The following PRMT1 variants were observed in gnomAD, a reference collection of about 807,000 sequenced individuals.
The protein encoded by PRMT1 is protein arginine N-methyltransferase 1.
Under a neutral mutation model 47.4 loss-of-function variants are expected in PRMT1, and 5 were observed. The observed-to-expected ratio is 0.11, with a 90% CI of 0.06 to 0.22. The LOEUF is 0.22. Ranked by LOEUF, PRMT1 falls within the 10% of genes least tolerant of loss-of-function variation. The pLI is 1.00. For synonymous variants in PRMT1, 227 were observed against 204.6 expected (o/e 1.11, Z -0.94); for missense variants, 249 against 518.4 (o/e 0.48, Z 5.05).
In PRMT1 at chr19:49,686,676, G is replaced by A. The variant is rs759556117; in HGVS notation, c.982G>A (p.Gly328Ser). The stretch of plus-strand genomic sequence containing the variant: ...GGAGGACTACCTGACCGTGAAGACG[G>A]GCGAGGAGATCTTCGGCACCATCGG... ...YMEDYLTVKT[G>S]EEIFGTIGMR... Residue 328 changes from glycine to serine, a missense_variant, in exon 10 of 11, where the codon GGC (glycine) becomes AGC (serine). By Grantham distance (56) the Gly-to-Ser change is moderately conservative (BLOSUM62 0). Coordinates refer to ENST00000454376, the MANE Select transcript of PRMT1 (RefSeq NM_001536.6). 5 of 1,612,682 alleles carry A rather than the reference G, an allele frequency of 3.1e-6. No homozygotes were observed. The African/African-American group carries it at 6.7e-5, about 22-fold the overall frequency.
chr19:49,681,703 A>T lies in PRMT1; in HGVS notation c.193-207A>T, dbSNP rs191655035. Among the ~76,000 whole-genome samples the T allele has an allele frequency of 6.6e-6, 1 of 152,232 alleles. No individual in the cohort carries two copies. Among genetic ancestry groups the T allele is most frequent in the Non-Finnish European group, 1.5e-5 (1 of 68,018 alleles). On this transcript the variant is annotated intron_variant, in intron 3 of 10. Transcript: ENST00000454376. This position sits in a 1 kb window ranked among gnomAD's most constrained non-coding sequence, Gnocchi z 4.4. Reference sequence around the variant, plus strand: ...CAGTGAGCTGAGATTGCACCATTGCACTCCAGCCTGGGCAACAGAGTGAGA... The same window carrying T: ...CAGTGAGCTGAGATTGCACCATTGCTCTCCAGCCTGGGCAACAGAGTGAGA...
At position 49,680,154 on chromosome 19, in the gene PRMT1, C is replaced by G; in HGVS notation, c.90+229C>G. The G allele has an allele frequency of 6.5e-7, 1 of 1,527,046 alleles. No individual in the cohort carries two copies. The highest frequency in any genetic ancestry group is 1.4e-5 in the African/African-American group (1 of 73,354). 94.6% of individuals were successfully genotyped at this position (1,527,046 alleles called of 1,614,324 possible). A position where few individuals can be genotyped will look rare whatever the true frequency, so the allele number is the denominator to read the frequency against. On this transcript the variant is annotated intron_variant, in intron 2 of 10. Coordinates refer to ENST00000454376, the MANE Select transcript of PRMT1 (RefSeq NM_001536.6). The surrounding 1 kb of genome is among the most constrained non-coding windows in gnomAD (Gnocchi z 4.2). Reference sequence around the variant, plus strand: ...CCACCTCCAACCCCCCTTTGCCCTTCCCTGTGTCTGCCCCCATTTTCCTTC... The same window carrying G: ...CCACCTCCAACCCCCCTTTGCCCTTGCCTGTGTCTGCCCCCATTTTCCTTC...
Position 49,686,690 on chromosome 19 carries a change from C to T in PRMT1, c.996C>T (p.Phe332=), listed in dbSNP as rs199655515. 2.4e-5 allele frequency: 38 copies of T among 1,611,454 alleles called. No individual in the cohort carries two copies. In the African/African-American group the frequency reaches 2.7e-4, roughly 11 times the overall value. ...YLTVKTGEEI[F]GTIGMRPNAK... is the part of the protein sequence containing the mutation. The stretch of plus-strand genomic sequence containing the variant: ...CCGTGAAGACGGGCGAGGAGATCTT[C>T]GGCACCATCGGCATGCGGCCCAACG... Residue 332 remains phenylalanine (F), a synonymous_variant, in exon 10 of 11, where the codon TTC becomes TTT. Transcript: ENST00000454376.
intron 5 of PRMT1, 41 bp from the exon 6 acceptor site, chr19:49,683,886 G>C: frequency 6.3e-7 from 1 of 1,589,736 alleles, no homozygotes; most frequent in African/African-American, 1.3e-5. Flanking sequence ...TGAGGGGCAG[G>C]CCTCCCGGGG....
upstream of PRMT1, chr19:49,677,268 G>T: frequency 7.0e-7 from 1 of 1,420,586 alleles, no homozygotes; most frequent in South Asian, 1.6e-5. Flanking sequence ...AGGAGGAGTA[G>T]GTGCGGGTGA....
intron 4 of PRMT1, 22 bp downstream of exon 4, chr19:49,682,087 G>T (rs1026521521): frequency 9.9e-6 from 16 of 1,613,676 alleles, no homozygotes; most frequent in Non-Finnish European, 1.1e-5. Context: ...GGGTGGCCAG[G>T]CGGGGCCGGG....
chr19:49,679,546 G>A (rs1371489482), intron 1 of PRMT1: 1 of 627,120 alleles, frequency 1.6e-6, no homozygotes, highest in Non-Finnish European at 3.0e-6. Flanking sequence ...GAGAGGGAGC[G>A]ACAGCTGGCG....
chr19:49,686,805 AATGGTGGCAGCGGGGGTAGGGG>A (rs1344189329), intron 10 of PRMT1, 79 bp downstream of exon 10: 1 of 50,274 alleles, frequency 2.0e-5, no homozygotes, highest in Admixed American at 3.1e-4. Context: ...GTGGGGGAGG[AATGGTGGCAGCGGGGGTAGGGG>A]ATGGGGGCAG....
At chr19:49,677,417 G>C (rs1357935039) in intron 1 of PRMT1, 101 bp downstream of exon 1, 1 of 1,065,040 alleles carries the variant, frequency 9.4e-7, no homozygotes, top group East Asian at 2.9e-5. Flanking sequence ...TATGGGGTTG[G>C]AGGTCCCCCG....
chr19:49,685,675 G>A lies in PRMT1; in HGVS notation c.760-418G>A, dbSNP rs1457842347. The stretch of plus-strand genomic sequence containing the variant: ...GAGTGGGGGAGGAGAGGAGACTACA[G>A]GGGCAGGGACCCCACTCGGGCCACC... On this transcript the variant is annotated intron_variant, in intron 8 of 10. Transcript: ENST00000454376. This position sits in a 1 kb window ranked among gnomAD's most constrained non-coding sequence, Gnocchi z 4.7. 9.7e-7 allele frequency: 1 copy of A among 1,035,866 alleles called. No individual in the cohort carries two copies. The highest frequency in any genetic ancestry group is 1.7e-5 in the African/African-American group (1 of 58,480). 64.2% of individuals were successfully genotyped at this position (1,035,866 alleles called of 1,614,324 possible).
Position 49,681,834 on chromosome 19 carries a change from G to A in PRMT1, c.193-76G>A, listed in dbSNP as rs777414501. ...CGAGAGGGCCGAGCTCTGGCCCTCC[G>A]AGCTCTCAGGACACGCTGTTCTCCA... On this transcript the variant is annotated intron_variant, in intron 3 of 10. Coordinates refer to ENST00000454376, the MANE Select transcript of PRMT1 (RefSeq NM_001536.6). The surrounding 1 kb of genome is among the most constrained non-coding windows in gnomAD (Gnocchi z 4.4). The A allele has an allele frequency of 7.0e-5, 104 of 1,488,588 alleles. No individual in the cohort carries two copies. The highest frequency in any genetic ancestry group is 8.1e-5 in the Non-Finnish European group (90 of 1,104,626). The allele number at this position is 1,488,588 out of a possible 1,614,324, so 92.2% of individuals were successfully genotyped here. A position where few individuals can be genotyped will look rare whatever the true frequency, so the allele number is the denominator to read the frequency against.
intron 2 of PRMT1, 68 bp downstream of exon 2, chr19:49,679,993 G>C (rs2082092168): frequency 6.8e-7 from 1 of 1,479,934 alleles, no homozygotes; most frequent in East Asian, 2.4e-5. Flanking sequence ...CCACACATCT[G>C]GCCCTTTCTT....
intron 1 of PRMT1, 56 bp from the exon 2 acceptor site, chr19:49,679,816 G>A (rs2082089090): frequency 1.4e-6 from 2 of 1,424,728 alleles, no homozygotes; most frequent in African/African-American, 2.8e-5. Context: ...CCGCCACCCA[G>A]CCCTCCCACA....
In PRMT1 at chr19:49,681,076, G is replaced by T. The variant is rs965098415; in HGVS notation, c.192+488G>T. 5.3e-5 allele frequency among the ~76,000 whole-genome samples: 8 copies of T among 152,160 alleles called. No individual in the cohort carries two copies. Among genetic ancestry groups the T allele is most frequent in the African/African-American group, 1.9e-4 (8 of 41,438 alleles). ...TTGCCATTTTTTATTTTTAGAGACG[G>T]TCTCGCTCTGTCGCCCAGGCTAGAG... On this transcript the variant is annotated intron_variant, in intron 3 of 10. Transcript: ENST00000454376. This position sits in a 1 kb window ranked among gnomAD's most constrained non-coding sequence, Gnocchi z 4.4.
Position 49,677,780 on chromosome 19 carries a change from G to T in PRMT1, c.36+464G>T, listed in dbSNP as rs555589045. On this transcript the variant is annotated intron_variant, in intron 1 of 10. Transcript: ENST00000454376. ...CGCCGTGGGGTGTGATCGACCTGGG[G>T]CCCTCCACGATGTGGGGAGTCTCTT... Among the ~76,000 whole-genome samples, 3 of 152,250 alleles carry T rather than the reference G, an allele frequency of 2.0e-5. No individual in the cohort carries two copies. In the East Asian group the frequency reaches 5.8e-4, roughly 29 times the overall value.
chr19:49,678,302 C>T (rs2082067005), intron 1 of PRMT1: 1 of 152,324 alleles, frequency 6.6e-6, no homozygotes, highest in African/African-American at 2.4e-5. Flanking sequence ...TTCCTGAAGC[C>T]CTGTGCAGGG....
rs983934735 is a variant in PRMT1, at chr19:49,685,758, G to A, written c.760-335G>A. On this transcript the variant is annotated intron_variant, in intron 8 of 10. Transcript: ENST00000454376. This position sits in a 1 kb window ranked among gnomAD's most constrained non-coding sequence, Gnocchi z 4.7. Reference sequence around the variant, plus strand: ...TAGGTTGGCATTTGTGTTGCCGTTTGAAGCCATCATGTTGTTGGACTTGTC... The same window carrying A: ...TAGGTTGGCATTTGTGTTGCCGTTTAAAGCCATCATGTTGTTGGACTTGTC... The A allele has an allele frequency of 9.9e-5, 110 of 1,111,970 alleles. No homozygotes were observed. Among genetic ancestry groups the A allele is most frequent in the Non-Finnish European group, 1.2e-4 (106 of 908,478 alleles). 68.9% of individuals were successfully genotyped at this position (1,111,970 alleles called of 1,614,324 possible).
Position 49,680,393 on chromosome 19 carries a change from ATAC to A in PRMT1, c.91-89_91-87del. 2 of 1,188,712 alleles carry A rather than the reference ATAC, an allele frequency of 1.7e-6. No homozygotes were observed. The highest frequency in any genetic ancestry group is 2.5e-6 in the Non-Finnish European group (2 of 801,658). 73.6% of individuals were successfully genotyped at this position (1,188,712 alleles called of 1,614,324 possible). A position where few individuals can be genotyped will look rare whatever the true frequency, so the allele number is the denominator to read the frequency against. On this transcript the variant is annotated intron_variant, in intron 2 of 10. Coordinates refer to ENST00000454376, the MANE Select transcript of PRMT1 (RefSeq NM_001536.6). The surrounding 1 kb of genome is among the most constrained non-coding windows in gnomAD (Gnocchi z 4.2). ...GTCATGGTATGATTTTGGGGGTTCT[ATAC>A]TACTCTTCAGGGAAAAGTAGGGCGC...
intron 5 of PRMT1, chr19:49,683,662 T>C (rs1599945973): frequency 2.9e-6 from 1 of 342,276 alleles, no homozygotes; most frequent in East Asian, 6.5e-5. Context: ...CACTCCAGCC[T>C]GGGTGACAGA....
Sources: allele counts gnomAD v4.1 joint callset (sites outside exome capture counted in the v4.1 genomes callset), GRCh38; gene constraint gnomAD v4.1.1; non-coding constraint Gnocchi (gnomAD v3.1); transcripts MANE v1.5; gene names NCBI Gene and HGNC (gene_info 2026-07-23, HGNC 2026-07-21).